ANKS1B: variants seen among roughly 807,000 people sequenced by gnomAD.
ANKS1B encodes the protein ankyrin repeat and sterile alpha motif domain-containing protein 1B.
In ANKS1B, 36 loss-of-function variants were observed where a neutral mutation model predicts 148.3. That is an observed-to-expected ratio of 0.24 (90% CI 0.19 to 0.32). ANKS1B has a LOEUF of 0.32. Ranked by LOEUF, ANKS1B falls within the 10% of genes least tolerant of loss-of-function variation. The probability of loss-of-function intolerance (pLI) is 1.00; values close to 1 mark genes in which losing one functional copy is unlikely to be tolerated. For missense variants in ANKS1B, 1,157 were observed against 1,542.6 expected (o/e 0.75, Z 4.19); for synonymous variants, 542 against 560.8 (o/e 0.97, Z 0.47).
intron 1 of ANKS1B, among the ~76,000 whole-genome samples, chr12:99,911,655 C>A (rs2094008519): frequency 6.6e-6 from 1 of 152,158 alleles, no homozygotes. Flanking sequence ...ACTATAAAAA[C>A]TTTTAAACAT....
intron 15 of ANKS1B, among the ~76,000 whole-genome samples, chr12:99,129,458 A>G (rs879843699): frequency 8.5e-5 from 13 of 152,372 alleles, no homozygotes; most frequent in South Asian, 4.1e-4. Flanking sequence ...AGACTAGATC[A>G]GCAGCAAGAG....
intron 17 of ANKS1B, among the ~76,000 whole-genome samples, chr12:98,984,916 T>G (rs913058001): frequency 4.1e-4 from 63 of 151,966 alleles, no homozygotes; most frequent in African/African-American, 1.5e-3. Flanking sequence ...GAGGCTGAGG[T>G]AGAAGGATTG....
chr12:99,461,045 CAT>C (rs2095954980), intron 10 of ANKS1B, among the ~76,000 whole-genome samples: 1 of 148,366 alleles, frequency 6.7e-6, no homozygotes, highest in Non-Finnish European at 1.5e-5. Flanking sequence ...TGGATATATA[CAT>C]GTATATATAT....
At chr12:99,060,980 G>GA (rs924109784) in intron 16 of ANKS1B, among the ~76,000 whole-genome samples, 2 of 152,136 alleles carry the variant, frequency 1.3e-5, no homozygotes, top group Middle Eastern at 3.2e-3. Flanking sequence ...AGAACAAGAG[G>GA]ATAAGGAACC....
intron 12 of ANKS1B, among the ~76,000 whole-genome samples, chr12:99,331,413 C>T (rs2087529602): frequency 6.6e-6 from 1 of 151,976 alleles, no homozygotes; most frequent in Non-Finnish European, 1.5e-5. Flanking sequence ...GCTTTACAAC[C>T]TCCTGCAGCT....
In ANKS1B at chr12:99,741,920, TA is replaced by T. The variant is rs201827252; in HGVS notation, c.1128+31001del. Among the ~76,000 whole-genome samples, 750 of 150,824 alleles carry T rather than the reference TA, an allele frequency of 5.0e-3. 9 individuals are homozygous for T. Among genetic ancestry groups the T allele is most frequent in the African/African-American group, 0.017 (717 of 41,140 alleles). ...ATAAATAAATAAATAAAGCTAAATT[TA>T]AAAAAAAGAATAAGATCATGTCCTT... On this transcript the variant is annotated intron_variant, in intron 8 of 26. Transcript: ENST00000683438.
chr12:98,872,476 T>C (rs536968427), intron 17 of ANKS1B, among the ~76,000 whole-genome samples: 1 of 151,948 alleles, frequency 6.6e-6, no homozygotes, highest in Non-Finnish European at 1.5e-5. Flanking sequence ...GAGTTGGAGG[T>C]TGCAGTGAGC....
chr12:98,895,045 C>T, intron 17 of ANKS1B: 1 of 913,954 alleles, frequency 1.1e-6, no homozygotes. Context: ...GGGCTGCTGG[C>T]TGCGCTCTCC....
intron 1 of ANKS1B, among the ~76,000 whole-genome samples, chr12:99,931,300 C>A (rs889746176): frequency 7.9e-5 from 12 of 151,860 alleles, no homozygotes; most frequent in African/African-American, 2.9e-4. Context: ...ATGTAACAAA[C>A]CTGCACGTTG....
chr12:98,825,518 A>G (rs1342153989), intron 19 of ANKS1B, among the ~76,000 whole-genome samples: 1 of 152,192 alleles, frequency 6.6e-6, no homozygotes, highest in African/African-American at 2.4e-5. Flanking sequence ...TTTAAGCTAA[A>G]GTTTATGCAA....
intron 17 of ANKS1B, among the ~76,000 whole-genome samples, chr12:98,926,328 A>C (rs540734965): frequency 6.6e-6 from 1 of 152,308 alleles, no homozygotes; most frequent in African/African-American, 2.4e-5. Context: ...GAGAGATAAC[A>C]CAGAATTTAC....
intron 9 of ANKS1B, chr12:99,647,900 A>G (rs1567556968): frequency 4.7e-6 from 2 of 429,420 alleles, no homozygotes; most frequent in Non-Finnish European, 8.3e-6. Flanking sequence ...GTGCCCGGAC[A>G]TCCACGAGGG....
At chr12:99,576,141 A>T (rs2097517012) in intron 9 of ANKS1B, among the ~76,000 whole-genome samples, 1 of 152,140 alleles carries the variant, frequency 6.6e-6, no homozygotes, top group Non-Finnish European at 1.5e-5. Flanking sequence ...CAATGATCAA[A>T]AGGGACAAAG....
At chr12:98,810,729 C>A (rs1307687892) in intron 19 of ANKS1B, among the ~76,000 whole-genome samples, 2 of 152,236 alleles carry the variant, frequency 1.3e-5, no homozygotes, top group African/African-American at 4.8e-5. Flanking sequence ...GCCCAGTCTG[C>A]CTGCCTGATG....
At chr12:99,133,458 C>T (rs1028144350) in intron 15 of ANKS1B, among the ~76,000 whole-genome samples, 7 of 152,160 alleles carry the variant, frequency 4.6e-5, no homozygotes, top group African/African-American at 7.2e-5. Flanking sequence ...AAATAACCTC[C>T]CTGTCTGTGC....
intron 12 of ANKS1B, among the ~76,000 whole-genome samples, chr12:99,341,971 A>T (rs138104966): frequency 6.6e-6 from 1 of 152,130 alleles, no homozygotes; most frequent in Non-Finnish European, 1.5e-5. Flanking sequence ...TAATTCAGTA[A>T]GTATTTTTCA....
intron 17 of ANKS1B, among the ~76,000 whole-genome samples, chr12:98,853,996 T>C (rs1198493192): frequency 6.6e-6 from 1 of 152,190 alleles, no homozygotes; most frequent in African/African-American, 2.4e-5. Flanking sequence ...AGCCGTGGAT[T>C]GGCTCACATG....
At chr12:99,276,531 G>A (rs1456040143) in intron 12 of ANKS1B, among the ~76,000 whole-genome samples, 7 of 152,172 alleles carry the variant, frequency 4.6e-5, no homozygotes, top group Admixed American at 4.6e-4. Context: ...AAGAGGGTGA[G>A]CATCTCTCTC....
At chr12:99,959,777 GGAGTT>G (rs2095383273) in intron 1 of ANKS1B, among the ~76,000 whole-genome samples, 1 of 152,144 alleles carries the variant, frequency 6.6e-6, no homozygotes, top group Non-Finnish European at 1.5e-5. Context: ...ATTCAAGGAA[GGAGTT>G]AAGAAATTTC....
Sources: allele counts gnomAD v4.1 joint callset (sites outside exome capture counted in the v4.1 genomes callset), GRCh38; gene constraint gnomAD v4.1.1; transcripts MANE v1.5; gene names NCBI Gene and HGNC (gene_info 2026-07-23, HGNC 2026-07-21).